The following PRKAG2 variants were observed in gnomAD, a reference collection of about 807,000 sequenced individuals.
The protein encoded by PRKAG2 is protein kinase AMP-activated non-catalytic subunit gamma 2, also known as 5'-AMP-activated protein kinase subunit gamma-2.
In PRKAG2, 26 loss-of-function variants were observed where a neutral mutation model predicts 69.6. The observed-to-expected ratio is 0.37, with a 90% CI of 0.27 to 0.52. PRKAG2 has a LOEUF of 0.52. Among genes scored for constraint, PRKAG2 ranks in the 20% least tolerant of loss-of-function variants. The pLI is 0.90. For synonymous variants in PRKAG2, 293 were observed against 285.0 expected, an observed-to-expected ratio of 1.03 and a Z score of -0.28; for missense variants, 557 against 740.0, an observed-to-expected ratio of 0.75 and a Z score of 2.87.
At chr7:151,817,216 A>C (rs1444255231) in intron 1 of PRKAG2, among the ~76,000 whole-genome samples, 2 of 152,156 alleles carry the variant, frequency 1.3e-5, no homozygotes, top group African/African-American at 4.8e-5. Flanking sequence ...AACAGAGCCT[A>C]GTAGATCACA....
intron 1 of PRKAG2, among the ~76,000 whole-genome samples, chr7:151,871,608 A>G (rs984768716): frequency 3.3e-5 from 5 of 152,222 alleles, no homozygotes; most frequent in Non-Finnish European, 7.3e-5. Context: ...GTACACAGCC[A>G]TCAACCGAAT....
intron 3 of PRKAG2, among the ~76,000 whole-genome samples, chr7:151,720,561 A>G (rs753139206): frequency 2.0e-5 from 3 of 150,772 alleles, no homozygotes; most frequent in African/African-American, 4.9e-5. Context: ...TTGAAAACAA[A>G]GCACCGTCAA....
Position 151,769,139 on chromosome 7 carries a change from C to T in PRKAG2, c.466+12013G>A, listed in dbSNP as rs879891276. Among the ~76,000 whole-genome samples, 14 of 152,230 alleles carry T rather than the reference C, an allele frequency of 9.2e-5. 1 individual carries two copies. The highest frequency in any genetic ancestry group is 1.5e-4 in the Non-Finnish European group (10 of 68,050). On this transcript the variant is annotated intron_variant, in intron 3 of 15. Coordinates refer to ENST00000287878, the MANE Select transcript of PRKAG2 (RefSeq NM_016203.4). ...TGCATTTAAGAGTCACAAGAAGAAA[C>T]TAACCCAGGCAGAAAGGCTGTGAAC... is the stretch of plus-strand genomic sequence containing the variant.
chr7:151,844,840 G>C (rs1004915449), intron 1 of PRKAG2, among the ~76,000 whole-genome samples: 14 of 152,138 alleles, frequency 9.2e-5, no homozygotes, highest in African/African-American at 3.1e-4. Context: ...TGAATAAATC[G>C]GTATCATTCC....
At chr7:151,597,109 A>T (rs893601171) in intron 5 of PRKAG2, among the ~76,000 whole-genome samples, 10 of 152,244 alleles carry the variant, frequency 6.6e-5, no homozygotes, top group African/African-American at 2.4e-4. Context: ...TAGAAAGCCC[A>T]GAAATAAATC....
intron 3 of PRKAG2, among the ~76,000 whole-genome samples, chr7:151,701,982 G>C (rs972363828): frequency 6.6e-6 from 1 of 152,200 alleles, no homozygotes; most frequent in Non-Finnish European, 1.5e-5. Flanking sequence ...CGGCAGAACT[G>C]TGAGAGAGTC....
At position 151,698,422 on chromosome 7, in the gene PRKAG2, C is replaced by A. The variant is rs77084042; in HGVS notation, c.467-22785G>T. On this transcript the variant is annotated intron_variant, in intron 3 of 15. Coordinates refer to ENST00000287878, the MANE Select transcript of PRKAG2 (RefSeq NM_016203.4). ...CTCCGAATCTCATGTTGAAATGCGACCCCCGAGTTGAAGGTGGGCCTGGTG... is the reference window on the plus strand; with the variant it reads ...CTCCGAATCTCATGTTGAAATGCGAACCCCGAGTTGAAGGTGGGCCTGGTG... 2.8e-3 allele frequency among the ~76,000 whole-genome samples: 426 copies of A among 152,252 alleles called. 5 individuals carry two copies. Among genetic ancestry groups the A allele is most frequent in the African/African-American group, 9.2e-3 (381 of 41,528 alleles).
At chr7:151,789,080 G>T (rs1307780545) in intron 1 of PRKAG2, among the ~76,000 whole-genome samples, 1 of 152,136 alleles carries the variant, frequency 6.6e-6, no homozygotes, top group African/African-American at 2.4e-5. Context: ...ATTGGGAAAT[G>T]TGAGACCTCC....
intron 3 of PRKAG2, among the ~76,000 whole-genome samples, chr7:151,737,025 T>G (rs1200501801): frequency 6.6e-6 from 1 of 152,166 alleles, no homozygotes; most frequent in African/African-American, 2.4e-5. Context: ...TTGTATATGT[T>G]TTGCAACCAA....
chr7:151,772,242 T>G (rs952220719), intron 3 of PRKAG2, among the ~76,000 whole-genome samples: 3 of 152,152 alleles, frequency 2.0e-5, no homozygotes, highest in Admixed American at 6.5e-5. Flanking sequence ...GCCAGCGGTG[T>G]GCTTATATTC....
At chr7:151,690,297 T>C (rs1290808052) in intron 3 of PRKAG2, among the ~76,000 whole-genome samples, 1 of 152,172 alleles carries the variant, frequency 6.6e-6, no homozygotes, top group African/African-American at 2.4e-5. Flanking sequence ...CTACCCCTGG[T>C]AGAGCTCGCT....
intron 5 of PRKAG2, among the ~76,000 whole-genome samples, chr7:151,602,896 T>G (rs1158589205): frequency 6.6e-6 from 1 of 152,196 alleles, no homozygotes; most frequent in Non-Finnish European, 1.5e-5. Flanking sequence ...ACGAAAGACG[T>G]GCCTCTTCCC....
At chr7:151,841,180 G>T (rs531563842) in intron 1 of PRKAG2, among the ~76,000 whole-genome samples, 46 of 152,234 alleles carry the variant, frequency 3.0e-4, no homozygotes, top group Admixed American at 7.2e-4. Context: ...TAGAGACAGG[G>T]TTTCCCTATG....
At position 151,786,463 on chromosome 7, in the gene PRKAG2, G is replaced by T; in HGVS notation, c.186+7C>A. 1 of 1,608,410 alleles carries T rather than the reference G, an allele frequency of 6.2e-7. No homozygotes were observed. The highest frequency in any genetic ancestry group is 8.5e-7 in the Non-Finnish European group (1 of 1,177,136). On this transcript the variant is annotated splice_region_variant and intron_variant, in intron 2 of 15. Transcript: ENST00000287878. The stretch of plus-strand genomic sequence containing the variant: ...GCTGTGAGAAACTTCTGGAAAGGAG[G>T]TCTTACCTTTCGAGAGGAATGCTTT...
rs191257548 is a variant in PRKAG2 at position 151,838,353 on chromosome 7, C to T, written c.114+38154G>A. Among the ~76,000 whole-genome samples the T allele has an allele frequency of 1.6e-4, 24 of 152,118 alleles. No individual in the cohort carries two copies. The East Asian group carries it at 4.7e-3, about 30-fold the overall frequency. ...ACAGCCTTGCTCAATCCCCTCAGCA[C>T]CCTCGTCTCCAGCAGACGGGTATCC... On this transcript the variant is annotated intron_variant, in intron 1 of 15. Transcript: ENST00000287878.
intron 3 of PRKAG2, among the ~76,000 whole-genome samples, chr7:151,773,032 A>G (rs1313853510): frequency 7.0e-4 from 22 of 31,252 alleles, no homozygotes; most frequent in East Asian, 1.9e-3. Context: ...AAAGAGAGAG[A>G]GAGAGAGAGA....
At chr7:151,656,331 G>T (rs991173650) in intron 4 of PRKAG2, among the ~76,000 whole-genome samples, 1 of 152,182 alleles carries the variant, frequency 6.6e-6, no homozygotes, top group Non-Finnish European at 1.5e-5. Context: ...GAGGTTGGGC[G>T]AATCACCTGA....
intron 1 of PRKAG2, among the ~76,000 whole-genome samples, chr7:151,844,122 G>A (rs990850939): frequency 2.6e-5 from 4 of 152,222 alleles, no homozygotes; most frequent in African/African-American, 9.7e-5. Context: ...CCCAGGGGTT[G>A]GGGAAGCCCT....
intron 4 of PRKAG2, among the ~76,000 whole-genome samples, chr7:151,666,847 T>C (rs943238457): frequency 6.6e-6 from 1 of 152,138 alleles, no homozygotes; most frequent in Admixed American, 6.5e-5. Context: ...GCCCTTATTT[T>C]CTCCTGTCAG....
Sources: allele counts gnomAD v4.1 joint callset (sites outside exome capture counted in the v4.1 genomes callset), GRCh38; gene constraint gnomAD v4.1.1; transcripts MANE v1.5; gene names NCBI Gene and HGNC (gene_info 2026-07-23, HGNC 2026-07-21).